The following PDE3A variants were observed in gnomAD, a reference collection of about 807,000 sequenced individuals.
PDE3A encodes the protein cGMP-inhibited 3',5'-cyclic phosphodiesterase 3A.
A neutral mutation model predicts 98.3 loss-of-function variants in PDE3A; 43 were observed. The observed-to-expected ratio is 0.44, with a 90% confidence interval of 0.34 to 0.56. The LOEUF (loss-of-function observed/expected upper bound fraction) is 0.56. PDE3A is among the 20% of genes least tolerant of loss of function. The pLI is 0.01. For missense variants in PDE3A, 1,427 were observed against 1,440.7 expected, an observed-to-expected ratio of 0.99 and a Z score of 0.15; for synonymous variants, 663 against 567.9, an observed-to-expected ratio of 1.17 and a Z score of -2.38.
At position 20,556,686 on chromosome 12, in the gene PDE3A, C is replaced by T; in HGVS notation, c.987C>T (p.His329=). The T allele has an allele frequency of 3.1e-6, 5 of 1,609,680 alleles. No homozygotes were observed. Among genetic ancestry groups the T allele is most frequent in the Non-Finnish European group, 4.3e-6 (5 of 1,176,130 alleles). The change falls in exon 2 of 16, where the codon CAC becomes CAT. Residue 329 remains histidine (H), a synonymous_variant. Coordinates refer to ENST00000359062, the MANE Select transcript of PDE3A (RefSeq NM_000921.5). The part of the protein sequence containing the change: ...EQLMGHSEWD[H]KRGPRGSQSS... Reference sequence around the variant, plus strand: ...TCATGGGGCATTCAGAATGGGACCACAAACGAGGGCCAAGAGGATCACAGG... The same window carrying T: ...TCATGGGGCATTCAGAATGGGACCATAAACGAGGGCCAAGAGGATCACAGG...
chr12:20,370,839 A>G (rs2120490129), intron 1 of PDE3A, among the ~76,000 whole-genome samples: 1 of 152,286 alleles, frequency 6.6e-6, no homozygotes, highest in Non-Finnish European at 1.5e-5. Context: ...ATGGTGCCCA[A>G]TTTGTTTTTA....
intron 1 of PDE3A, among the ~76,000 whole-genome samples, chr12:20,435,127 T>C (rs1944758869): frequency 6.6e-6 from 1 of 152,176 alleles, no homozygotes; most frequent in Non-Finnish European, 1.5e-5. Context: ...AGAAATGTCC[T>C]GGGGGGCCTT....
chr12:20,387,583 C>G (rs914331493), intron 1 of PDE3A, among the ~76,000 whole-genome samples: 7 of 151,896 alleles, frequency 4.6e-5, no homozygotes, highest in Non-Finnish European at 7.4e-5. Context: ...CCAATACATC[C>G]CAGGTCTTTT....
chr12:20,657,631 C>A (rs1945073688), intron 15 of PDE3A, among the ~76,000 whole-genome samples: 1 of 152,144 alleles, frequency 6.6e-6, no homozygotes, highest in African/African-American at 2.4e-5. Context: ...GCTCTTTGTT[C>A]TCCTTTCAAA....
intron 1 of PDE3A, among the ~76,000 whole-genome samples, chr12:20,544,542 G>T (rs921262691): frequency 1.3e-5 from 2 of 151,826 alleles, no homozygotes; most frequent in African/African-American, 4.8e-5. Flanking sequence ...AATCAAATCT[G>T]ATGTCTTTTC....
At chr12:20,672,330 A>T (rs1402612656) in intron 15 of PDE3A, among the ~76,000 whole-genome samples, 13 of 138,142 alleles carry the variant, frequency 9.4e-5, no homozygotes, top group Non-Finnish European at 2.0e-4. Context: ...CTTTCTTCAC[A>T]GAATTGGAAA....
At chr12:20,541,274 T>C (rs1232983723) in intron 1 of PDE3A, among the ~76,000 whole-genome samples, 2 of 151,574 alleles carry the variant, frequency 1.3e-5, no homozygotes, top group African/African-American at 2.4e-5. Context: ...ATTTTTAAAA[T>C]ATTTTTTGTA....
intron 12 of PDE3A, 98 bp from the exon 13 acceptor site, chr12:20,648,590 G>T: frequency 1.3e-6 from 1 of 769,568 alleles, no homozygotes. Context: ...TTTCTTTGTT[G>T]TATGAATAAA....
At chr12:20,373,885 G>A (rs927554636) in intron 1 of PDE3A, among the ~76,000 whole-genome samples, 1 of 152,082 alleles carries the variant, frequency 6.6e-6, no homozygotes, top group African/African-American at 2.4e-5. Flanking sequence ...GTAGGCACTG[G>A]ATGGGAGGCA....
chr12:20,581,086 G>GA (rs1592078114), intron 2 of PDE3A, among the ~76,000 whole-genome samples: 1 of 152,064 alleles, frequency 6.6e-6, no homozygotes, highest in East Asian at 1.9e-4. Context: ...TGGGTTTGAG[G>GA]AAAAAAATAG....
chr12:20,678,816 C>T (rs990373258), intron 15 of PDE3A, among the ~76,000 whole-genome samples: 2 of 152,176 alleles, frequency 1.3e-5, no homozygotes, highest in Admixed American at 1.3e-4. Flanking sequence ...ACCCATTGGC[C>T]AGTCACTGTG....
intron 1 of PDE3A, among the ~76,000 whole-genome samples, chr12:20,507,651 A>T (rs1388073294): frequency 6.6e-6 from 1 of 152,008 alleles, no homozygotes; most frequent in African/African-American, 2.4e-5. Context: ...CATCCTTTCT[A>T]ACAGCTGATG....
chr12:20,430,344 C>T (rs952839196), intron 1 of PDE3A, among the ~76,000 whole-genome samples: 9 of 152,032 alleles, frequency 5.9e-5, no homozygotes, highest in Non-Finnish European at 1.3e-4. Flanking sequence ...ATATCTATCC[C>T]TAAAGGAAGA....
At chr12:20,539,067 A>G (rs1236804685) in intron 1 of PDE3A, among the ~76,000 whole-genome samples, 1 of 152,096 alleles carries the variant, frequency 6.6e-6, no homozygotes, top group Non-Finnish European at 1.5e-5. Flanking sequence ...GGTTTCTGCT[A>G]TCCTGAAACT....
At position 20,629,903 on chromosome 12, in the gene PDE3A, C is replaced by A; in HGVS notation, c.1541-5C>A. The stretch of plus-strand genomic sequence containing the variant: ...TTTAGTTACTTAACTCTCATTCTTT[C>A]TCAGGTGCCCTCGCTAAAATTTCAC... On this transcript the variant is annotated splice_polypyrimidine_tract_variant and splice_region_variant and intron_variant, in intron 5 of 15. Coordinates refer to ENST00000359062, the MANE Select transcript of PDE3A (RefSeq NM_000921.5). The A allele has an allele frequency of 6.2e-7, 1 of 1,607,672 alleles. No homozygotes were observed. Among genetic ancestry groups the A allele is most frequent in the Non-Finnish European group, 8.5e-7 (1 of 1,174,200 alleles).
At chr12:20,644,006 A>G (rs903618372) in intron 10 of PDE3A, among the ~76,000 whole-genome samples, 1 of 152,004 alleles carries the variant, frequency 6.6e-6, no homozygotes, top group Non-Finnish European at 1.5e-5. Context: ...ACTGCCCCCC[A>G]TCCACCTCCG....
intron 1 of PDE3A, among the ~76,000 whole-genome samples, chr12:20,522,727 A>G (rs1946451539): frequency 6.6e-6 from 1 of 152,180 alleles, no homozygotes; most frequent in Non-Finnish European, 1.5e-5. Context: ...GTGAGAGGGC[A>G]GAATGATCCT....
intron 1 of PDE3A, among the ~76,000 whole-genome samples, chr12:20,504,761 C>A (rs569751692): frequency 6.6e-6 from 1 of 152,150 alleles, no homozygotes; most frequent in Admixed American, 6.6e-5. Flanking sequence ...ACCATCTTCA[C>A]GTCTCTCACT....
intron 1 of PDE3A, among the ~76,000 whole-genome samples, chr12:20,528,165 C>A (rs534088359): frequency 1.3e-5 from 2 of 152,264 alleles, no homozygotes; most frequent in African/African-American, 4.8e-5. Context: ...TTCTCAGTTG[C>A]TAAAAATTTA....
Sources: gnomAD v4.1 joint callset for allele counts (sites outside exome capture counted in the v4.1 genomes callset) on GRCh38, gnomAD v4.1.1 for gene constraint, MANE v1.5 for transcripts, NCBI Gene and HGNC (gene_info 2026-07-23, HGNC 2026-07-21) for gene names.